SLC45A3: variants seen among roughly 807,000 people sequenced by gnomAD.
SLC45A3 encodes solute carrier family 45 member 3.
A neutral mutation model predicts 35.3 loss-of-function variants in SLC45A3; 17 were observed. The ratio of observed to expected loss-of-function variants is 0.48; its 90% confidence interval spans 0.33 to 0.72. The LOEUF (loss-of-function observed/expected upper bound fraction) is 0.72. Among genes scored for constraint, SLC45A3 ranks in the 30% least tolerant of loss-of-function variants. The pLI is 0.02. For synonymous variants in SLC45A3, 288 were observed against 334.3 expected, an observed-to-expected ratio of 0.86 and a Z score of 1.51; for missense variants, 597 against 731.7, an observed-to-expected ratio of 0.82 and a Z score of 2.12.
At chr1:205,673,297 G>A (rs992415558) in intron 1 of SLC45A3, among the ~76,000 whole-genome samples, 2 of 152,196 alleles carry the variant, frequency 1.3e-5, no homozygotes, top group Non-Finnish European at 2.9e-5. Context: ...TTGGCCCAAG[G>A]TAGGGGAATA....
In SLC45A3 at chr1:205,663,462, G is replaced by C. The variant is rs1256880184; in HGVS notation, c.329C>G (p.Ala110Gly). Reference protein sequence around the residue: ...LFLIPRAGWLAGLLCPDPRPL... With the variant: ...LFLIPRAGWLGGLLCPDPRPL... ...CCTGGGATCCGGGCACAGCAGCCCTGCTAGCCAGCCGGCCCTTGGGATGAG... is the reference window on the plus strand; with the variant it reads ...CCTGGGATCCGGGCACAGCAGCCCTCCTAGCCAGCCGGCCCTTGGGATGAG... The change falls in exon 3 of 5, where the codon GCA becomes GGA. Residue 110 changes from alanine to glycine, a missense_variant. Physicochemically the swap from Ala to Gly is moderately conservative, Grantham distance 60 (BLOSUM62 0). Coordinates refer to ENST00000367145, the MANE Select transcript of SLC45A3 (RefSeq NM_033102.3). The C allele has an allele frequency of 1.9e-6, 3 of 1,612,798 alleles. No individual in the cohort carries two copies. The highest frequency in any genetic ancestry group is 2.5e-6 in the Non-Finnish European group (3 of 1,179,862).
In SLC45A3 at chr1:205,662,303, C is replaced by T. The variant is rs1671041095; in HGVS notation, c.959-177G>A. The T allele has an allele frequency of 2.8e-6, 4 of 1,427,100 alleles. No individual in the cohort carries two copies. Among genetic ancestry groups the T allele is most frequent in the Admixed American group, 5.8e-5 (2 of 34,506 alleles). 88.4% of individuals were successfully genotyped at this position (1,427,100 alleles called of 1,614,324 possible). A position where few individuals can be genotyped will look rare whatever the true frequency, so the allele number is the denominator to read the frequency against. ...AGCAATGGGAGTCTAGGTTCTTCCA[C>T]TGACCCTCAGAGAATGTGGGCAACG... On this transcript the variant is annotated intron_variant, in intron 3 of 4. Transcript: ENST00000367145. The surrounding 1 kb of genome is among the most constrained non-coding windows in gnomAD (Gnocchi z 6.2).
At chr1:205,663,660 T>C in intron 2 of SLC45A3, 42 bp from the exon 3 acceptor site, 6 of 1,516,310 alleles carry the variant, frequency 4.0e-6, no homozygotes, top group Non-Finnish European at 5.3e-6. Context: ...CTGGGACAAG[T>C]AAAGGGCAAG....
chr1:205,661,313 GA>G (rs1173581523), intron 4 of SLC45A3, among the ~76,000 whole-genome samples: 1 of 152,210 alleles, frequency 6.6e-6, no homozygotes, highest in Non-Finnish European at 1.5e-5. Flanking sequence ...GAAAGGGAAG[GA>G]GGCAAAGGAG....
rs1442834774 is a variant in SLC45A3 at position 205,658,802 on chromosome 1, A to G, written c.*432T>C. Reference sequence around the variant, plus strand: ...AACTCCCATGCAAGAGCTACATTAAACGAAGCTGCAGGTTAAGGGGCTTAG... The same window carrying G: ...AACTCCCATGCAAGAGCTACATTAAGCGAAGCTGCAGGTTAAGGGGCTTAG... On this transcript the variant is annotated 3_prime_UTR_variant, in exon 5 of 5. Transcript: ENST00000367145. 4.0e-6 allele frequency: 1 copy of G among 247,972 alleles called. No individual in the cohort carries two copies. Among genetic ancestry groups the G allele is most frequent in the East Asian group, 5.8e-5 (1 of 17,240 alleles). The allele number at this position is 247,972 out of a possible 1,614,324, so 15.4% of individuals were successfully genotyped here.
rs1196537316 is a variant in SLC45A3 at position 205,666,398 on chromosome 1, C to G, written c.-230-1512G>C. ...TAGTATGCACCTGTGGTCCCAGCTA[C>G]TTAAGAGGCTGAGATGGGAGGATTG... On this transcript the variant is annotated intron_variant, in intron 1 of 4. Coordinates refer to ENST00000367145, the MANE Select transcript of SLC45A3 (RefSeq NM_033102.3). This position sits in a 1 kb window ranked among gnomAD's most constrained non-coding sequence, Gnocchi z 4.1. 6.6e-6 allele frequency among the ~76,000 whole-genome samples: 1 copy of G among 152,174 alleles called. No homozygotes were observed. The highest frequency in any genetic ancestry group is 1.9e-4 in the East Asian group (1 of 5,196).
At chr1:205,663,676 G>GGGGAAC in intron 2 of SLC45A3, 58 bp from the exon 3 acceptor site, 1 of 1,479,300 alleles carries the variant, frequency 6.8e-7, no homozygotes, top group Non-Finnish European at 9.0e-7. Flanking sequence ...GCAAGGGGAA[G>GGGGAAC]GGGAACCAAG....
At position 205,662,965 on chromosome 1, in the gene SLC45A3, C is replaced by T. The variant is rs138897809; in HGVS notation, c.826G>A (p.Val276Met). The change falls in exon 3 of 5, where the codon GTG becomes ATG. Residue 276 changes from valine to methionine, a missense_variant. Coordinates refer to ENST00000367145, the MANE Select transcript of SLC45A3 (RefSeq NM_033102.3). This position sits in a 1 kb window ranked among gnomAD's most constrained non-coding sequence, Gnocchi z 6.2. The part of the protein sequence containing the change: ...RMPRTLRRLF[V>M]AELCSWMALM... ...GCCATCCAGCTGCACAGCTCAGCCA[C>T]GAAGAGCCGGCGCAGGGTGCGGGGC... 2.1e-5 allele frequency: 34 copies of T among 1,613,648 alleles called. No homozygotes were observed. The African/African-American group carries it at 2.5e-4, about 12-fold the overall frequency.
intron 1 of SLC45A3, among the ~76,000 whole-genome samples, chr1:205,678,581 AT>A (rs1183611791): frequency 1.3e-5 from 2 of 152,068 alleles, no homozygotes; most frequent in East Asian, 3.9e-4. Context: ...CTTCAACGTT[AT>A]TCAGGGAGCC....
Position 205,664,414 on chromosome 1 carries a change from G to A in SLC45A3, c.172+71C>T. The A allele has an allele frequency of 6.3e-7, 1 of 1,577,030 alleles. No homozygotes were observed. On this transcript the variant is annotated intron_variant, in intron 2 of 4. Transcript: ENST00000367145. The surrounding 1 kb of genome is among the most constrained non-coding windows in gnomAD (Gnocchi z 5.3). ...CTCCCTCCAAGCAGCTCCCAGGGCA[G>A]AGGTACTCCTGTCCCACATGCCAGG...
chr1:205,675,487 G>A (rs982043751), intron 1 of SLC45A3, among the ~76,000 whole-genome samples: 2 of 152,130 alleles, frequency 1.3e-5, no homozygotes, highest in Admixed American at 6.5e-5. Context: ...AGAAAAGGGT[G>A]TATGTCTGTA....
intron 1 of SLC45A3, among the ~76,000 whole-genome samples, chr1:205,678,721 A>T (rs922843213): frequency 6.6e-6 from 1 of 152,164 alleles, no homozygotes; most frequent in Non-Finnish European, 1.5e-5. Flanking sequence ...TTTTATCTTC[A>T]AACTCATTCT....
rs879942785 is a variant in SLC45A3 at position 205,658,070 on chromosome 1, A to C, written c.*1164T>G. ...AAGCACAGATATACTCTGGGGGCTG[A>C]GATGGACAAAGGCTTGGGAAACCGC... On this transcript the variant is annotated 3_prime_UTR_variant, in exon 5 of 5. Transcript: ENST00000367145. The C allele has an allele frequency of 1.4e-5, 3 of 221,268 alleles. No homozygotes were observed. 13.7% of individuals were successfully genotyped at this position (221,268 alleles called of 1,614,324 possible).
chr1:205,671,842 T>C (rs917410153), intron 1 of SLC45A3, among the ~76,000 whole-genome samples: 34 of 144,068 alleles, frequency 2.4e-4, no homozygotes, highest in African/African-American at 8.0e-4. Flanking sequence ...CACTCCACCC[T>C]GGGCAACAGG....
At chr1:205,661,723 G>T in intron 4 of SLC45A3, 138 bp downstream of exon 4, 2 of 1,283,246 alleles carry the variant, frequency 1.6e-6, no homozygotes, top group Non-Finnish European at 1.1e-6. Context: ...TGGCCCTGGG[G>T]CTAGGATAAG....
At chr1:205,674,960 C>G (rs1162524820) in intron 1 of SLC45A3, among the ~76,000 whole-genome samples, 1 of 152,196 alleles carries the variant, frequency 6.6e-6, no homozygotes, top group African/African-American at 2.4e-5. Context: ...AGCTGATCCA[C>G]CCAACTCGGC....
chr1:205,674,602 CAAAAAAAAAAA>C (rs57508315), intron 1 of SLC45A3, among the ~76,000 whole-genome samples: 163 of 95,446 alleles, frequency 1.7e-3, no homozygotes, highest in African/African-American at 3.6e-3. Flanking sequence ...GATGCTGTTT[CAAAAAAAAAAA>C]AAAAAAAAAA....
chr1:205,659,393 C>T lies in SLC45A3; in HGVS notation c.1503G>A (p.Leu501=), dbSNP rs1670977616. 1 of 1,614,088 alleles carries T rather than the reference C, an allele frequency of 6.2e-7. No individual in the cohort carries two copies. The highest frequency in any genetic ancestry group is 1.7e-5 in the Admixed American group (1 of 60,010). Residue 501 remains leucine, a synonymous_variant, in exon 5 of 5, where the codon CTG becomes CTA. Coordinates refer to ENST00000367145, the MANE Select transcript of SLC45A3 (RefSeq NM_033102.3). This position sits in a 1 kb window ranked among gnomAD's most constrained non-coding sequence, Gnocchi z 5.8. The part of the protein sequence containing the change: ...DLAILDSAFL[L]SQVAPSLFMG... Reference sequence around the variant, plus strand: ...TAAACAGGGATGGGGCCACCTGGGACAGCAGGAAGGCACTATCCAGGATGG... The same window carrying T: ...TAAACAGGGATGGGGCCACCTGGGATAGCAGGAAGGCACTATCCAGGATGG...
At chr1:205,665,092 T>C (rs1289423856) in intron 1 of SLC45A3, among the ~76,000 whole-genome samples, 1 of 152,210 alleles carries the variant, frequency 6.6e-6, no homozygotes, top group Non-Finnish European at 1.5e-5. Flanking sequence ...AAATATGATT[T>C]TTTAAACCTC....
Sources: allele counts gnomAD v4.1 joint callset (sites outside exome capture counted in the v4.1 genomes callset), GRCh38; gene constraint gnomAD v4.1.1; non-coding constraint Gnocchi (gnomAD v3.1); transcripts MANE v1.5; gene names NCBI Gene and HGNC (gene_info 2026-07-23, HGNC 2026-07-21).